The following HDAC7 variants were observed in gnomAD, a reference collection of about 807,000 sequenced individuals.
HDAC7 encodes histone deacetylase 7, also known as histone deacetylase 7A.
HDAC7 carries 26 observed loss-of-function variants against 115.5 expected under a neutral mutation model. That is an observed-to-expected ratio of 0.23 (90% CI 0.16 to 0.31). The LOEUF is 0.31. Among genes scored for constraint, HDAC7 ranks in the 10% least tolerant of loss-of-function variants. HDAC7 has a pLI of 1.00. For synonymous variants in HDAC7, 564 were observed against 550.9 expected, an observed-to-expected ratio of 1.02 and a Z score of -0.33; for missense variants, 1,068 against 1,329.0, an observed-to-expected ratio of 0.80 and a Z score of 3.05.
In HDAC7 at chr12:47,801,729, A is replaced by G. The variant is rs546526443; in HGVS notation, c.70+495T>C. Among the ~76,000 whole-genome samples the G allele has an allele frequency of 9.8e-5, 15 of 152,310 alleles. No individual in the cohort carries two copies. The East Asian group carries it at 2.5e-3, about 25-fold the overall frequency. On this transcript the variant is annotated intron_variant, in intron 2 of 25. Coordinates refer to ENST00000080059, the MANE Select transcript of HDAC7 (RefSeq NM_015401.5). Reference sequence around the variant, plus strand: ...AAACCAAAGCAGCAGCAGGAAGTCCAGTCCTTCCCCAGGGCAGCCTAGCAG... The same window carrying G: ...AAACCAAAGCAGCAGCAGGAAGTCCGGTCCTTCCCCAGGGCAGCCTAGCAG...
At chr12:47,806,900 A>G (rs1264045025) in intron 1 of HDAC7, among the ~76,000 whole-genome samples, 1 of 147,856 alleles carries the variant, frequency 6.8e-6, no homozygotes, top group Non-Finnish European at 1.5e-5. Context: ...ACCACAGACC[A>G]TTTTCTCCTG....
At position 47,788,067 on chromosome 12, in the gene HDAC7, G is replaced by A. The variant is rs1194208728; in HGVS notation, c.2333C>T (p.Pro778Leu). 3 of 1,612,866 alleles carry A rather than the reference G, an allele frequency of 1.9e-6. No individual in the cohort carries two copies. Among genetic ancestry groups the A allele is most frequent in the African/African-American group, 1.3e-5 (1 of 75,030 alleles). ...LHRHDDGNFFPGSGAVDEVGA... is the reference protein window; with the variant it reads ...LHRHDDGNFFLGSGAVDEVGA... Reference sequence around the variant, plus strand: ...TACCTCATCCACAGCCCCACTCCCCGGGAAGAAGTTGCCGTCGTCATGGCG... The same window carrying A: ...TACCTCATCCACAGCCCCACTCCCCAGGAAGAAGTTGCCGTCGTCATGGCG... Residue 778 changes from proline (P) to leucine (L), a missense_variant, in exon 20 of 26, where the codon CCG becomes CTG. Coordinates refer to ENST00000080059, the MANE Select transcript of HDAC7 (RefSeq NM_015401.5).
chr12:47,802,387 C>G, intron 1 of HDAC7, 113 bp from the exon 2 acceptor site: 1 of 1,533,872 alleles, frequency 6.5e-7, no homozygotes, highest in Non-Finnish European at 8.9e-7. Context: ...TTGAGCACGC[C>G]AAAGCCTGGG....
Position 47,785,504 on chromosome 12 carries a change from T to A in HDAC7, c.2707-33A>T. ...AAACAGTACATCAGCCACCAGTCTC[T>A]CAGGGACCCACAGGCCCAGCTCACT... is the stretch of plus-strand genomic sequence containing the variant. On this transcript the variant is annotated intron_variant, in intron 23 of 25. Transcript: ENST00000080059. The A allele has an allele frequency of 3.2e-6, 5 of 1,583,452 alleles. No individual in the cohort carries two copies. In the South Asian group the frequency reaches 5.8e-5, roughly 18 times the overall value.
intron 20 of HDAC7, 107 bp from the exon 21 acceptor site, chr12:47,787,916 G>GAAA: frequency 6.5e-7 from 1 of 1,527,280 alleles, no homozygotes; most frequent in Non-Finnish European, 9.0e-7. Context: ...CCATTTCCAG[G>GAAA]TGGGGAAGTT....
intron 1 of HDAC7, among the ~76,000 whole-genome samples, chr12:47,806,487 G>A (rs760666177): frequency 7.9e-5 from 12 of 152,180 alleles, no homozygotes; most frequent in African/African-American, 2.7e-4. Context: ...TCAGGAGTTC[G>A]AGACCAGCTT....
At chr12:47,791,821 C>CCAAAAA in intron 14 of HDAC7, 50 bp downstream of exon 14, 9 of 1,540,270 alleles carry the variant, frequency 5.8e-6, no homozygotes, top group Non-Finnish European at 7.1e-6. Flanking sequence ...CCTCCCCTCC[C>CCAAAAA]ATGACTCCTC....
In HDAC7 at chr12:47,794,886, C is replaced by G; in HGVS notation, c.1332G>C (p.Ser444=). The G allele has an allele frequency of 6.2e-7, 1 of 1,613,422 alleles. No homozygotes were observed. Residue 444 remains serine (S), a synonymous_variant, in exon 12 of 26, where the codon TCG becomes TCC. Coordinates refer to ENST00000080059, the MANE Select transcript of HDAC7 (RefSeq NM_015401.5). ...CGCCATCTGTCTCCAGGTCTTCAGC[C>G]GAGGGTATCTGCCGCAGCCGGGGCT... ...SEKPRLRQIP[S]AEDLETDGGG...
rs748477283 is a variant in HDAC7 at position 47,795,166 on chromosome 12, C to T, written c.1284+18G>A. On this transcript the variant is annotated intron_variant, in intron 11 of 25. Coordinates refer to ENST00000080059, the MANE Select transcript of HDAC7 (RefSeq NM_015401.5). This position sits in a 1 kb window ranked among gnomAD's most constrained non-coding sequence, Gnocchi z 4.3. Reference sequence around the variant, plus strand: ...GTTAAACACTCCCTCAATACCTCCACTGCCCAATTCCTCTCACCTTGATCA... The same window carrying T: ...GTTAAACACTCCCTCAATACCTCCATTGCCCAATTCCTCTCACCTTGATCA... 1.9e-5 allele frequency: 31 copies of T among 1,600,560 alleles called. No individual in the cohort carries two copies. The highest frequency in any genetic ancestry group is 2.6e-5 in the Non-Finnish European group (31 of 1,170,320).
At position 47,791,412 on chromosome 12, in the gene HDAC7, A is replaced by G. The variant is rs988372083; in HGVS notation, c.1934-104T>C. On this transcript the variant is annotated intron_variant, in intron 15 of 25. Transcript: ENST00000080059. Reference sequence around the variant, plus strand: ...CAGGGCCGGGTGAGTATTGGGGGAGAGAAATATGGAAGGGAGAGGTGGAGG... The same window carrying G: ...CAGGGCCGGGTGAGTATTGGGGGAGGGAAATATGGAAGGGAGAGGTGGAGG... 1.7e-5 allele frequency: 24 copies of G among 1,383,960 alleles called. No individual in the cohort carries two copies. In the African/African-American group the frequency reaches 3.2e-4, roughly 18 times the overall value. The allele number at this position is 1,383,960 out of a possible 1,614,324, so 85.7% of individuals were successfully genotyped here.
Position 47,784,391 on chromosome 12 carries a change from C to T in HDAC7, c.2792-174G>A, listed in dbSNP as rs987252373. The T allele has an allele frequency of 7.3e-5, 49 of 675,356 alleles. No homozygotes were observed. In the East Asian group the frequency reaches 1.2e-3, roughly 16 times the overall value. 41.8% of individuals were successfully genotyped at this position (675,356 alleles called of 1,614,324 possible). On this transcript the variant is annotated intron_variant, in intron 24 of 25. Coordinates refer to ENST00000080059, the MANE Select transcript of HDAC7 (RefSeq NM_015401.5). Reference sequence around the variant, plus strand: ...CCTCTCCTCACTTCGCTCCCACTCCCGCACAGCCTGACAGGGTACACAGAG... The same window carrying T: ...CCTCTCCTCACTTCGCTCCCACTCCTGCACAGCCTGACAGGGTACACAGAG...
rs1943935347 is a variant in HDAC7, at chr12:47,797,745, TG to T, written c.462-247del. 6.6e-6 allele frequency among the ~76,000 whole-genome samples: 1 copy of T among 152,074 alleles called. No individual in the cohort carries two copies. The highest frequency in any genetic ancestry group is 2.4e-5 in the African/African-American group (1 of 41,394). Reference sequence around the variant, plus strand: ...CTTGGTGCGTGGGTGAAGAGCCCACTGGGGGCTCTGTCACCTGCACTAGGAA... The same window carrying T: ...CTTGGTGCGTGGGTGAAGAGCCCACTGGGGCTCTGTCACCTGCACTAGGAA... On this transcript the variant is annotated intron_variant, in intron 5 of 25. Transcript: ENST00000080059. This position sits in a 1 kb window ranked among gnomAD's most constrained non-coding sequence, Gnocchi z 5.5.
intron 13 of HDAC7, chr12:47,792,913 C>A: frequency 3.2e-6 from 1 of 307,994 alleles, no homozygotes; most frequent in Non-Finnish European, 6.4e-6. Flanking sequence ...TACATATGGC[C>A]AGAACAAAGC....
intron 1 of HDAC7, among the ~76,000 whole-genome samples, chr12:47,814,324 C>T (rs1944789092): frequency 6.6e-6 from 1 of 152,214 alleles, no homozygotes; most frequent in African/African-American, 2.4e-5. Flanking sequence ...CCCCTCTAGG[C>T]CTTGACCCCC....
Position 47,793,610 on chromosome 12 carries a change from G to C in HDAC7, c.1459-22C>G. 3.3e-6 allele frequency: 5 copies of C among 1,512,946 alleles called. No homozygotes were observed. Among genetic ancestry groups the C allele is most frequent in the Non-Finnish European group, 4.5e-6 (5 of 1,123,178 alleles). The allele number at this position is 1,512,946 out of a possible 1,614,324, so 93.7% of individuals were successfully genotyped here. A position where few individuals can be genotyped will look rare whatever the true frequency, so the allele number is the denominator to read the frequency against. ...ACACCTAGGGGAAAGATGGGGCCTT[G>C]GTCTCCAGTGTTTCAGGGTCCTGCT... On this transcript the variant is annotated intron_variant, in intron 12 of 25. Coordinates refer to ENST00000080059, the MANE Select transcript of HDAC7 (RefSeq NM_015401.5). This position sits in a 1 kb window ranked among gnomAD's most constrained non-coding sequence, Gnocchi z 4.5.
At chr12:47,804,100 T>C (rs929569980) in intron 1 of HDAC7, among the ~76,000 whole-genome samples, 11 of 152,158 alleles carry the variant, frequency 7.2e-5, no homozygotes, top group African/African-American at 2.4e-4. Flanking sequence ...ACTCTCTGGA[T>C]AGGAGAAAAA....
Position 47,797,615 on chromosome 12 carries a change from TG to T in HDAC7, c.462-117del, listed in dbSNP as rs1291046352. Reference sequence around the variant, plus strand: ...CTGCAGCGGGCAGGGCTGGGCAATGTGGGGCTGGTAGGAATGGGGACCATCT... The same window carrying T: ...CTGCAGCGGGCAGGGCTGGGCAATGTGGGCTGGTAGGAATGGGGACCATCT... On this transcript the variant is annotated intron_variant, in intron 5 of 25. Coordinates refer to ENST00000080059, the MANE Select transcript of HDAC7 (RefSeq NM_015401.5). This position sits in a 1 kb window ranked among gnomAD's most constrained non-coding sequence, Gnocchi z 5.5. 3 of 717,544 alleles carry T rather than the reference TG, an allele frequency of 4.2e-6. No homozygotes were observed. Among genetic ancestry groups the T allele is most frequent in the Non-Finnish European group, 6.9e-6 (3 of 434,090 alleles). The allele number at this position is 717,544 out of a possible 1,614,324, so 44.4% of individuals were successfully genotyped here. A position where few individuals can be genotyped will look rare whatever the true frequency, so the allele number is the denominator to read the frequency against.
At chr12:47,784,027 G>T in intron 25 of HDAC7, 52 bp downstream of exon 25, 1 of 1,605,500 alleles carries the variant, frequency 6.2e-7, no homozygotes, top group Non-Finnish European at 8.5e-7. Flanking sequence ...CAAGCAGGGA[G>T]GAATGAAGCG....
intron 16 of HDAC7, chr12:47,790,554 A>G (rs1337968747): frequency 6.4e-6 from 1 of 156,196 alleles, no homozygotes; most frequent in Non-Finnish European, 1.4e-5. Context: ...AGAAAGTGGC[A>G]AGAAATGGGA....
Sources: gnomAD v4.1 joint callset for allele counts (sites outside exome capture counted in the v4.1 genomes callset) on GRCh38, gnomAD v4.1.1 for gene constraint, Gnocchi (gnomAD v3.1) non-coding constraint, MANE v1.5 for transcripts, NCBI Gene and HGNC (gene_info 2026-07-23, HGNC 2026-07-21) for gene names.